Variants in ACKR2 observed in about 807,000 individuals in gnomAD.
The protein encoded by ACKR2 is C-C chemokine receptor D6.
For synonymous variants in ACKR2, 207 were observed against 192.2 expected, an observed-to-expected ratio of 1.08 and a Z score of -0.64; for missense variants, 457 against 477.3, an observed-to-expected ratio of 0.96 and a Z score of 0.40.
Position 42,865,644 on chromosome 3 carries a change from A to G in ACKR2, c.1142A>G (p.Asn381Ser). The change falls in exon 3 of 3, where the codon AAT becomes AGT. Residue 381 changes from asparagine to serine, a missense_variant. By Grantham distance (46) the Asn-to-Ser change is conservative. Coordinates refer to ENST00000422265, the MANE Select transcript of ACKR2 (RefSeq NM_001296.5). ...TACCCTAACAAGGAGGATGTGGGGA[A>G]TAAATCAGCCTGAGTGACCAAATTT... ...ENYPNKEDVG[N>S]KSA is the part of the protein sequence containing the mutation. The G allele has an allele frequency of 6.2e-7, 1 of 1,608,882 alleles. No homozygotes were observed. Among genetic ancestry groups the G allele is most frequent in the Non-Finnish European group, 8.5e-7 (1 of 1,177,204 alleles).
intron 1 of ACKR2, among the ~76,000 whole-genome samples, chr3:42,810,618 T>G (rs889931023): frequency 6.6e-6 from 1 of 152,168 alleles, no homozygotes; most frequent in Non-Finnish European, 1.5e-5. Context: ...AAAAATCGAA[T>G]GTTTAGCCAA....
chr3:42,846,931 T>C (rs1701104589), intron 2 of ACKR2, among the ~76,000 whole-genome samples: 2 of 152,050 alleles, frequency 1.3e-5, no homozygotes, highest in Admixed American at 6.5e-5. Flanking sequence ...AGCAAATAAT[T>C]ACACAGAATA....
At chr3:42,859,875 A>G (rs2088361733) in intron 2 of ACKR2, among the ~76,000 whole-genome samples, 1 of 152,106 alleles carries the variant, frequency 6.6e-6, no homozygotes, top group South Asian at 2.1e-4. Flanking sequence ...ACCAGCCACC[A>G]CAAAAACATA....
At chr3:42,825,865 G>GTTTTTTT (rs71072740) in intron 2 of ACKR2, among the ~76,000 whole-genome samples, 1 of 134,694 alleles carries the variant, frequency 7.4e-6, no homozygotes. Flanking sequence ...TTTTTTTTTT[G>GTTTTTTT]TTTTTTTTTT....
At chr3:42,833,485 A>G (rs1369338037) in intron 2 of ACKR2, among the ~76,000 whole-genome samples, 1 of 152,182 alleles carries the variant, frequency 6.6e-6, no homozygotes, top group Non-Finnish European at 1.5e-5. Context: ...AGCAGTGTAC[A>G]CTATACAATT....
chr3:42,864,591 A>G lies in ACKR2; in HGVS notation c.89A>G (p.Glu30Gly), dbSNP rs1420895214. 1 of 1,614,184 alleles carries G rather than the reference A, an allele frequency of 6.2e-7. No homozygotes were observed. The highest frequency in any genetic ancestry group is 8.5e-7 in the Non-Finnish European group (1 of 1,180,032). ...SSFYYYDYLDEVAFMLCRKDA... is the reference protein window; with the variant it reads ...SSFYYYDYLDGVAFMLCRKDA... ...TTCTATTACTATGACTACCTGGATG[A>G]AGTGGCCTTCATGCTCTGCAGGAAG... is the stretch of plus-strand genomic sequence containing the variant. The change falls in exon 3 of 3, where the codon GAA (glutamate) becomes GGA (glycine). Residue 30 changes from glutamate to glycine, a missense_variant. Physicochemically the swap from Glu to Gly is moderately conservative, Grantham distance 98 (BLOSUM62 -2). Coordinates refer to ENST00000422265, the MANE Select transcript of ACKR2 (RefSeq NM_001296.5).
rs1272563612 is a variant in ACKR2, at chr3:42,822,274, C to T, written c.-38+2563C>T. ...TAGAATACTTCGTGATTTTTATTTCCGTTTTTAAAAATATATTTATGAAAC... is the reference window on the plus strand; with the variant it reads ...TAGAATACTTCGTGATTTTTATTTCTGTTTTTAAAAATATATTTATGAAAC... On this transcript the variant is annotated intron_variant, in intron 2 of 2. Transcript: ENST00000422265. Among the ~76,000 whole-genome samples the T allele has an allele frequency of 5.9e-5, 9 of 151,892 alleles. 1 individual carries two copies. Among genetic ancestry groups the T allele is most frequent in the Admixed American group, 5.3e-4 (8 of 15,236 alleles).
chr3:42,840,842 C>T (rs1218873391), intron 2 of ACKR2, among the ~76,000 whole-genome samples: 2 of 152,156 alleles, frequency 1.3e-5, no homozygotes, highest in South Asian at 4.1e-4. Context: ...CGCATGCCAC[C>T]ACGTCTGGCT....
chr3:42,847,047 C>A (rs1009651299), intron 2 of ACKR2, among the ~76,000 whole-genome samples: 10 of 152,234 alleles, frequency 6.6e-5, no homozygotes, highest in African/African-American at 2.2e-4. Context: ...TGAATCCTGG[C>A]AACCCTGTCT....
chr3:42,847,320 G>T lies in ACKR2; in HGVS notation c.-37-17146G>T, dbSNP rs558417323. The stretch of plus-strand genomic sequence containing the variant: ...AACACAGTCTGAGTGGCCAGCGGGG[G>T]CCAGGCTGGGGACAGCACAGAAAGA... On this transcript the variant is annotated intron_variant, in intron 2 of 2. Coordinates refer to ENST00000422265, the MANE Select transcript of ACKR2 (RefSeq NM_001296.5). 3.3e-5 allele frequency among the ~76,000 whole-genome samples: 5 copies of T among 152,318 alleles called. No individual in the cohort carries two copies. In the East Asian group the frequency reaches 7.7e-4, roughly 23 times the overall value.
intron 2 of ACKR2, among the ~76,000 whole-genome samples, chr3:42,838,119 T>C (rs1701002765): frequency 6.6e-6 from 1 of 152,142 alleles, no homozygotes; most frequent in African/African-American, 2.4e-5. Flanking sequence ...AAAATCTTTA[T>C]GACATTAGGG....
chr3:42,854,066 T>A lies in ACKR2; in HGVS notation c.-37-10400T>A, dbSNP rs958402545. ...TTCTTGGCTGTAGGTAGGGCGGCCG[T>A]GAAATTGATGTCTAAGATGGAAGAG... On this transcript the variant is annotated intron_variant, in intron 2 of 2. Transcript: ENST00000422265. Among the ~76,000 whole-genome samples the A allele has an allele frequency of 7.9e-5, 12 of 152,080 alleles. No homozygotes were observed. In the East Asian group the frequency reaches 2.3e-3, roughly 29 times the overall value.
intron 2 of ACKR2, among the ~76,000 whole-genome samples, chr3:42,838,489 C>CA (rs1701005532): frequency 6.6e-6 from 1 of 152,130 alleles, no homozygotes; most frequent in Non-Finnish European, 1.5e-5. Context: ...ACTGAAACCA[C>CA]AATGAGATAC....
chr3:42,863,524 G>C (rs1192249173), intron 2 of ACKR2, among the ~76,000 whole-genome samples: 1 of 152,158 alleles, frequency 6.6e-6, no homozygotes, highest in African/African-American at 2.4e-5. Context: ...ATACCCAAAG[G>C]ATTATTAATC....
At chr3:42,822,550 G>T (rs1284811892) in intron 2 of ACKR2, among the ~76,000 whole-genome samples, 1 of 152,068 alleles carries the variant, frequency 6.6e-6, no homozygotes, top group African/African-American at 2.4e-5. Flanking sequence ...AATACAACAG[G>T]CACAGTTAAA....
intron 2 of ACKR2, among the ~76,000 whole-genome samples, chr3:42,849,588 A>G (rs1038922223): frequency 6.6e-6 from 1 of 152,216 alleles, no homozygotes; most frequent in African/African-American, 2.4e-5. Flanking sequence ...TTAGGTTCAG[A>G]GAAACTTGGG....
chr3:42,833,983 A>G (rs1174730981), intron 2 of ACKR2, among the ~76,000 whole-genome samples: 1 of 152,084 alleles, frequency 6.6e-6, no homozygotes, highest in South Asian at 2.1e-4. Context: ...TTTTTTTGAG[A>G]CAGAGTTTCG....
intron 2 of ACKR2, among the ~76,000 whole-genome samples, chr3:42,834,007 G>C (rs1270230046): frequency 6.6e-6 from 1 of 152,014 alleles, no homozygotes; most frequent in African/African-American, 2.4e-5. Flanking sequence ...TTGTTGCCCA[G>C]GCTGGAGTGC....
At chr3:42,812,035 G>A (rs1024337670) in intron 1 of ACKR2, among the ~76,000 whole-genome samples, 2 of 152,182 alleles carry the variant, frequency 1.3e-5, no homozygotes, top group African/African-American at 2.4e-5. Context: ...CTCAGAGACC[G>A]GGGCCTGTGC....
Sources: allele counts gnomAD v4.1 joint callset (sites outside exome capture counted in the v4.1 genomes callset), GRCh38; gene constraint gnomAD v4.1.1; transcripts MANE v1.5; gene names NCBI Gene and HGNC (gene_info 2026-07-23, HGNC 2026-07-21).